MYH7B: variants seen among roughly 807,000 people sequenced by gnomAD.
MYH7B encodes myosin heavy chain 7B, also known as myosin-7B.
Under a neutral mutation model 234.5 loss-of-function variants are expected in MYH7B, and 205 were observed. That is an observed-to-expected ratio of 0.87 (90% CI 0.78 to 0.98). The LOEUF (loss-of-function observed/expected upper bound fraction) is 0.98, where lower values mean the gene tolerates loss of function less well. Ranked by LOEUF, MYH7B falls within the 50% of genes least tolerant of loss-of-function variation. The pLI is 0.00. For synonymous variants in MYH7B, 1,193 were observed against 1,105.0 expected (o/e 1.08, Z -1.58); for missense variants, 2,652 against 2,633.4 (o/e 1.01, Z -0.15).
At chr20:34,979,440 G>A (rs773760889) in exon 6 of MYH7B, 11 of 1,613,864 alleles carry the variant, frequency 6.8e-6, no homozygotes, top group African/African-American at 6.7e-5. Flanking sequence ...CGTGGAGGCC[G>A]AGGTCAAGTC....
rs549997133 is a variant in MYH7B, at chr20:35,001,852, A to C, written c.5677-96A>C. ...AGTGGCAATAGGAACAAAGTTGAGA[A>C]CCAGGAGGAGCTAGCTCCCTTCTTG... On this transcript the variant is annotated intron_variant, in intron 43 of 44. Transcript: ENST00000262873. The C allele has an allele frequency of 1.3e-4, 201 of 1,520,486 alleles. 2 individuals carry two copies. The African/African-American group carries it at 2.4e-3, about 18-fold the overall frequency. The allele number at this position is 1,520,486 out of a possible 1,614,324, so 94.2% of individuals were successfully genotyped here. A position where few individuals can be genotyped will look rare whatever the true frequency, so the allele number is the denominator to read the frequency against.
intron 2 of MYH7B, among the ~76,000 whole-genome samples, chr20:34,972,880 G>A (rs1331985018): frequency 1.3e-5 from 2 of 152,078 alleles, no homozygotes; most frequent in Non-Finnish European, 2.9e-5. Context: ...TGATCCTCCT[G>A]CCTCAAGCCT....
chr20:34,984,821 A>G (rs1569040138), intron 11 of MYH7B, 33 bp from the exon 12 acceptor site: 1 of 1,604,156 alleles, frequency 6.2e-7, no homozygotes. Flanking sequence ...TAGGCACCAG[A>G]ACTGACAGAC....
intron 22 of MYH7B, 25 bp from the exon 23 acceptor site, chr20:34,990,713 T>C (rs778685454): frequency 1.2e-5 from 20 of 1,611,998 alleles, no homozygotes; most frequent in Non-Finnish European, 1.7e-5. Flanking sequence ...CTTTGTGCCT[T>C]TCCCTCACTC....
At chr20:34,958,368 C>G (rs1266780459) in intron 2 of MYH7B, among the ~76,000 whole-genome samples, 156 bp downstream of exon 2, 1 of 152,194 alleles carries the variant, frequency 6.6e-6, no homozygotes, top group Non-Finnish European at 1.5e-5. Context: ...GCACTCTCTG[C>G]CTGGGTGCTT....
In MYH7B at chr20:34,975,508, C is replaced by T. The variant is rs1386387463; in HGVS notation, c.-122+9C>T. Reference sequence around the variant, plus strand: ...GGAATTACAGACATGAGGTACTGTGCCTGACCCAGGGTATGTTTACTTTGA... The same window carrying T: ...GGAATTACAGACATGAGGTACTGTGTCTGACCCAGGGTATGTTTACTTTGA... On this transcript the variant is annotated intron_variant, in intron 3 of 44. Coordinates refer to ENST00000262873, the Ensembl canonical transcript of MYH7B. The T allele has an allele frequency of 9.8e-6, 7 of 712,942 alleles. No homozygotes were observed. Among genetic ancestry groups the T allele is most frequent in the Non-Finnish European group, 1.3e-5 (5 of 381,876 alleles). The allele number at this position is 712,942 out of a possible 1,614,324, so 44.2% of individuals were successfully genotyped here.
Position 34,990,392 on chromosome 20 carries a change from C to G in MYH7B, c.1977+82C>G, listed in dbSNP as rs758615155. ...TCACCCCCTGCCCTGTCCCCTGTGC[C>G]TTGGGCGGGCGGCTGTTAAGACTTG... On this transcript the variant is annotated intron_variant, in intron 22 of 44. Coordinates refer to ENST00000262873, the Ensembl canonical transcript of MYH7B. 3.4e-6 allele frequency: 5 copies of G among 1,479,182 alleles called. No individual in the cohort carries two copies. The South Asian group carries it at 4.5e-5, about 13-fold the overall frequency. 91.6% of individuals were successfully genotyped at this position (1,479,182 alleles called of 1,614,324 possible). A position where few individuals can be genotyped will look rare whatever the true frequency, so the allele number is the denominator to read the frequency against.
Position 34,999,340 on chromosome 20 carries a change from G to A in MYH7B, c.4475G>A (p.Arg1492Gln), listed in dbSNP as rs774443123. 17 of 1,560,390 alleles carry A rather than the reference G, an allele frequency of 1.1e-5. No individual in the cohort carries two copies. The highest frequency in any genetic ancestry group is 1.9e-5 in the Admixed American group (1 of 52,632). The stretch of plus-strand genomic sequence containing the variant: ...CTGGGCACCGAGCTCTTCCGGCTGC[G>A]GCACGGCCACGAGGAGGCACTTGAA... Residue 1492 changes from arginine (R) to glutamine (Q), a missense_variant, in exon 36 of 45, where the codon CGG becomes CAG. By Grantham distance (43) the Arg-to-Gln change is conservative. This residue lies in a region of MYH7B where 2,279 missense variants were observed against 2,211.4 expected (regional missense o/e 1.03). Coordinates refer to ENST00000262873, the Ensembl canonical transcript of MYH7B.
chr20:34,983,979 A>T (rs1270590352), intron 10 of MYH7B, among the ~76,000 whole-genome samples: 1 of 152,182 alleles, frequency 6.6e-6, no homozygotes, highest in Non-Finnish European at 1.5e-5. Flanking sequence ...GAGAAGGAGG[A>T]TCTGCTCAAT....
Position 34,997,421 on chromosome 20 carries a change from G to A in MYH7B, c.3528G>A (p.Ala1176=), listed in dbSNP as rs1480980040. 1.8e-5 allele frequency: 27 copies of A among 1,467,900 alleles called. No homozygotes were observed. In the East Asian group the frequency reaches 2.4e-4, roughly 13 times the overall value. 90.9% of individuals were successfully genotyped at this position (1,467,900 alleles called of 1,614,324 possible). ...GCGAGGGCTGCCGCAAGCGGGAGGC[G>A]GAGCTGGGGAGGCTGCGGCGGGAGC... The change falls in exon 32 of 45, where the codon GCG becomes GCA. Residue 1176 remains alanine (A), a synonymous_variant. Coordinates refer to ENST00000262873, the Ensembl canonical transcript of MYH7B.
chr20:34,957,084 A>G (rs1381898487), intron 1 of MYH7B, among the ~76,000 whole-genome samples: 2 of 152,186 alleles, frequency 1.3e-5, no homozygotes, highest in African/African-American at 4.8e-5. Flanking sequence ...GCGAAGGCAT[A>G]TAATTCTGAG....
intron 36 of MYH7B, 71 bp downstream of exon 36, chr20:34,999,476 C>T (rs2082327159): frequency 1.3e-6 from 2 of 1,525,798 alleles, no homozygotes; most frequent in Non-Finnish European, 1.8e-6. Context: ...ATGGGGGTGC[C>T]CTGGTGGGGC....
At chr20:34,987,480 GC>G in intron 16 of MYH7B, 76 bp from the exon 17 acceptor site, 1 of 1,445,320 alleles carries the variant, frequency 6.9e-7, no homozygotes. Flanking sequence ...CCCTCTCCTA[GC>G]CCCAGGCTGA....
At chr20:34,993,685 T>A (rs1480281292) in intron 26 of MYH7B, among the ~76,000 whole-genome samples, 1 of 152,238 alleles carries the variant, frequency 6.6e-6, no homozygotes, top group African/African-American at 2.4e-5. Flanking sequence ...CATCAGCGTG[T>A]GGCCCGGAGG....
chr20:34,990,374 C>T (rs535226008), intron 22 of MYH7B, 64 bp downstream of exon 22: 1 of 1,571,438 alleles, frequency 6.4e-7, no homozygotes, highest in African/African-American at 1.3e-5. Context: ...CCTTCACCCC[C>T]TGCCCTGTCC....
chr20:34,982,616 T>A, intron 10 of MYH7B, 61 bp downstream of exon 10: 1 of 1,359,004 alleles, frequency 7.4e-7, no homozygotes, highest in Non-Finnish European at 1.0e-6. Context: ...TTTTCTTTCT[T>A]CCTCTCTTTT....
In MYH7B at chr20:34,978,108, CAG is replaced by C; in HGVS notation, c.91+15_91+16del. The C allele has an allele frequency of 3.1e-6, 5 of 1,613,768 alleles. No individual in the cohort carries two copies. Among genetic ancestry groups the C allele is most frequent in the Non-Finnish European group, 4.2e-6 (5 of 1,179,950 alleles). The stretch of plus-strand genomic sequence containing the variant: ...TATCCCATGGGACGGTAAGTGGAGA[CAG>C]AGGGGGAGGGGTCATAGCCACAGAG... On this transcript the variant is annotated intron_variant, in intron 5 of 44. Coordinates refer to ENST00000262873, the Ensembl canonical transcript of MYH7B.
chr20:34,979,268 G>C, intron 5 of MYH7B, 122 bp from the exon 6 acceptor site: 4 of 708,532 alleles, frequency 5.6e-6, no homozygotes, highest in Non-Finnish European at 9.2e-6. Context: ...GAACTCCTGG[G>C]TCCTGGCAGA....
rs1364585994 is a variant in MYH7B at position 34,957,326 on chromosome 20, A to G, written c.-336-772A>G. ...GTTTGGAAGTGGGGAGATGGGCCAG[A>G]GAAAGCAGAGAGAGTTAAGATGTGA... On this transcript the variant is annotated intron_variant, in intron 1 of 44. Transcript: ENST00000262873. Among the ~76,000 whole-genome samples the G allele has an allele frequency of 2.6e-5, 4 of 152,256 alleles. No homozygotes were observed. The East Asian group carries it at 5.8e-4, about 22-fold the overall frequency.
Sources: allele counts gnomAD v4.1 joint callset (sites outside exome capture counted in the v4.1 genomes callset), GRCh38; gene constraint gnomAD v4.1.1; regional missense constraint gnomAD v4.1.1; transcripts MANE v1.5; gene names NCBI Gene and HGNC (gene_info 2026-07-23, HGNC 2026-07-21).